The following STK3 variants were observed in gnomAD, a reference collection of about 807,000 sequenced individuals.
STK3 encodes the protein serine/threonine-protein kinase 3.
STK3 carries 41 observed loss-of-function variants against 58.0 expected under a neutral mutation model. That is an observed-to-expected ratio of 0.71 (90% CI 0.55 to 0.92). The LOEUF (loss-of-function observed/expected upper bound fraction) is 0.92. Ranked by LOEUF, STK3 falls within the 40% of genes least tolerant of loss-of-function variation. STK3 has a pLI of 0.00. For missense variants in STK3, 479 were observed against 602.7 expected, an observed-to-expected ratio of 0.79 and a Z score of 2.15; for synonymous variants, 170 against 191.0, an observed-to-expected ratio of 0.89 and a Z score of 0.91.
At chr8:98,839,054 G>A (rs1252704522) in intron 3 of STK3, among the ~76,000 whole-genome samples, 1 of 151,436 alleles carries the variant, frequency 6.6e-6, no homozygotes, top group African/African-American at 2.4e-5. Flanking sequence ...ATTTTTGGGG[G>A]GGGGCGGTTT....
chr8:98,741,641 C>A (rs531977854), intron 4 of STK3, among the ~76,000 whole-genome samples: 231 of 152,146 alleles, frequency 1.5e-3, no homozygotes, highest in African/African-American at 5.3e-3. Context: ...CAAGAGAAAG[C>A]AGGAAAGATC....
intron 6 of STK3, among the ~76,000 whole-genome samples, chr8:98,624,674 G>A (rs1459901865): frequency 6.6e-6 from 1 of 152,056 alleles, no homozygotes; most frequent in Admixed American, 6.6e-5. Flanking sequence ...GCAACATGGT[G>A]AAACCCCATC....
intron 3 of STK3, among the ~76,000 whole-genome samples, chr8:98,844,688 A>G (rs1038729016): frequency 2.6e-5 from 4 of 151,404 alleles, no homozygotes; most frequent in African/African-American, 7.3e-5. Flanking sequence ...CTGGTCTCCA[A>G]CTCCTGAGCT....
intron 6 of STK3, among the ~76,000 whole-genome samples, chr8:98,600,045 A>C (rs1036869930): frequency 1.3e-5 from 2 of 152,224 alleles, no homozygotes; most frequent in Non-Finnish European, 2.9e-5. Context: ...AGAAATTTTG[A>C]AGAGAATAGT....
intron 6 of STK3, among the ~76,000 whole-genome samples, chr8:98,705,602 CCTCTTT>C (rs1199524051): frequency 6.6e-6 from 1 of 151,764 alleles, no homozygotes; most frequent in East Asian, 1.9e-4. Context: ...ATGCATTCTT[CCTCTTT>C]CTATCTATTT....
upstream of STK3, among the ~76,000 whole-genome samples, chr8:98,825,980 C>T (rs867432733): frequency 6.0e-5 from 9 of 149,776 alleles, no homozygotes; most frequent in South Asian, 4.2e-4. Flanking sequence ...CGGGCGGGGC[C>T]GGTGCCGCGG....
At position 98,671,431 on chromosome 8, in the gene STK3, C is replaced by A. The variant is rs141949296; in HGVS notation, c.684+35036G>T. ...AAAGCTCATACAACAAAGAAACTAG[C>A]AACTTGGTTATTTGTATACATAGAA... On this transcript the variant is annotated intron_variant, in intron 6 of 10. Coordinates refer to ENST00000419617, the MANE Select transcript of STK3 (RefSeq NM_006281.4). 2.2e-4 allele frequency among the ~76,000 whole-genome samples: 33 copies of A among 152,210 alleles called. No homozygotes were observed. In the East Asian group the frequency reaches 4.8e-3, roughly 22 times the overall value.
At chr8:98,726,192 G>C (rs1048452752) in intron 4 of STK3, among the ~76,000 whole-genome samples, 2 of 152,172 alleles carry the variant, frequency 1.3e-5, no homozygotes, top group Non-Finnish European at 2.9e-5. Context: ...GTAGAACTGG[G>C]AGAAATGCCA....
At chr8:98,461,444 C>T (rs1188942250) in intron 10 of STK3, among the ~76,000 whole-genome samples, 1 of 152,126 alleles carries the variant, frequency 6.6e-6, no homozygotes, top group Admixed American at 6.5e-5. Flanking sequence ...TTCTGCCAAC[C>T]AGTATCTTTT....
downstream of STK3, among the ~76,000 whole-genome samples, chr8:98,366,596 G>A (rs1465827072): frequency 2.6e-5 from 4 of 152,208 alleles, no homozygotes; most frequent in Non-Finnish European, 5.9e-5. Flanking sequence ...TTATTGAATG[G>A]TTCAGTTTGT....
intron 3 of STK3, among the ~76,000 whole-genome samples, chr8:98,840,176 G>A (rs912203921): frequency 1.3e-5 from 2 of 151,446 alleles, no homozygotes; most frequent in South Asian, 2.1e-4. Flanking sequence ...GTGAAACCCC[G>A]TCTCTACTGA....
In STK3 at chr8:98,707,399, C is replaced by CGT. The variant is rs371881958; in HGVS notation, c.352-90_352-89dup. ...AGCACTAGTAACAAGTATGTCTTTC[C>CGT]GTGTGTGTGTGTGTGTTTTTTTTTA... is the stretch of plus-strand genomic sequence containing the variant. On this transcript the variant is annotated intron_variant, in intron 4 of 10. Transcript: ENST00000419617. 528 of 991,204 alleles carry CGT rather than the reference C, an allele frequency of 5.3e-4. 1 individual carries two copies. The highest frequency in any genetic ancestry group is 2.4e-3 in the Middle Eastern group (7 of 2,948). 61.4% of individuals were successfully genotyped at this position (991,204 alleles called of 1,614,324 possible). A position where few individuals can be genotyped will look rare whatever the true frequency, so the allele number is the denominator to read the frequency against.
At chr8:98,791,019 G>A (rs752206729) in intron 1 of STK3, among the ~76,000 whole-genome samples, 12 of 151,498 alleles carry the variant, frequency 7.9e-5, no homozygotes, top group Non-Finnish European at 1.5e-4. Context: ...CGGTTAAGAG[G>A]AAGTCAAGCT....
At chr8:98,561,326 T>C (rs1812020476) in intron 8 of STK3, among the ~76,000 whole-genome samples, 1 of 146,598 alleles carries the variant, frequency 6.8e-6, no homozygotes, top group Non-Finnish European at 1.5e-5. Flanking sequence ...AGGACCCAGA[T>C]ATAGACCTTA....
At chr8:98,708,762 C>CT in intron 4 of STK3, among the ~76,000 whole-genome samples, 1 of 152,240 alleles carries the variant, frequency 6.6e-6, no homozygotes, top group East Asian at 1.9e-4. Context: ...TCCTAAGACC[C>CT]TGTGAATTGA....
intron 1 of STK3, among the ~76,000 whole-genome samples, chr8:98,446,850 A>G (rs754646986): frequency 1.3e-5 from 2 of 152,192 alleles, no homozygotes; most frequent in Non-Finnish European, 2.9e-5. Flanking sequence ...ATGCCCACCA[A>G]TGACAGACTG....
At chr8:98,715,026 T>C (rs1826880873) in intron 4 of STK3, among the ~76,000 whole-genome samples, 1 of 152,092 alleles carries the variant, frequency 6.6e-6, no homozygotes, top group Non-Finnish European at 1.5e-5. Flanking sequence ...AAACAACAAA[T>C]GGGGAAAGGA....
rs555564498 is a variant in STK3, at chr8:98,905,588, C to T, written c.-78-21754G>A. 34 of 1,058,128 alleles carry T rather than the reference C, an allele frequency of 3.2e-5. No homozygotes were observed. The East Asian group carries it at 3.9e-4, about 12-fold the overall frequency. 65.5% of individuals were successfully genotyped at this position (1,058,128 alleles called of 1,614,324 possible). A position where few individuals can be genotyped will look rare whatever the true frequency, so the allele number is the denominator to read the frequency against. ...AGTTCTTAATGATGTCACATTCCAG[C>T]ACCTTCCCTACTGCTTGAAAAGAGA... is the stretch of plus-strand genomic sequence containing the variant. On this transcript the variant is annotated intron_variant, in intron 1 of 1. Coordinates refer to the STK3 transcript ENST00000519420.
chr8:98,696,127 T>C (rs1430216168), intron 6 of STK3, among the ~76,000 whole-genome samples: 2 of 152,206 alleles, frequency 1.3e-5, no homozygotes, highest in Non-Finnish European at 1.5e-5. Context: ...TTTGAAGCAA[T>C]TGTGAATGGG....
Sources: allele counts gnomAD v4.1 joint callset (sites outside exome capture counted in the v4.1 genomes callset), GRCh38; gene constraint gnomAD v4.1.1; transcripts MANE v1.5; gene names NCBI Gene and HGNC (gene_info 2026-07-23, HGNC 2026-07-21).